Variants in STARD13 observed in about 807,000 individuals in gnomAD.
STARD13 encodes the protein stAR-related lipid transfer protein 13.
STARD13 carries 62 observed loss-of-function variants against 106.4 expected under a neutral mutation model. That is an observed-to-expected ratio of 0.58 (90% confidence interval 0.48 to 0.72). The LOEUF is 0.72. Among genes scored for constraint, STARD13 ranks in the 30% least tolerant of loss-of-function variants. The pLI is 0.00. For synonymous variants in STARD13, 565 were observed against 553.0 expected (o/e 1.02, Z -0.31); for missense variants, 1,387 against 1,424.0 (o/e 0.97, Z 0.42).
intron 1 of STARD13, among the ~76,000 whole-genome samples, chr13:33,174,871 A>C (rs934472819): frequency 2.0e-5 from 3 of 152,176 alleles, no homozygotes; most frequent in African/African-American, 7.2e-5. Context: ...TTCTCTGCCT[A>C]GAGTGCATGA....
Position 33,130,559 on chromosome 13 carries a change from C to G in STARD13, c.388-270G>C, listed in dbSNP as rs1329973374. On this transcript the variant is annotated intron_variant, in intron 4 of 13. Coordinates refer to ENST00000336934, the MANE Select transcript of STARD13 (RefSeq NM_178006.4). This position sits in a 1 kb window ranked among gnomAD's most constrained non-coding sequence, Gnocchi z 4.1. ...CAAAGAGGTTTTGAATGCCTCCTTC[C>G]TTCCTCTCTAAGAAGTTTTCCCTGA... Among the ~76,000 whole-genome samples the G allele has an allele frequency of 6.6e-6, 1 of 152,202 alleles. No homozygotes were observed. Among genetic ancestry groups the G allele is most frequent in the African/African-American group, 2.4e-5 (1 of 41,456 alleles).
chr13:33,300,893 A>T, intron 1 of STARD13, among the ~76,000 whole-genome samples: 1 of 152,120 alleles, frequency 6.6e-6, no homozygotes, highest in East Asian at 1.9e-4. Context: ...TTTCCCTTCC[A>T]GAGGCTTTGA....
the STARD13 span, among the ~76,000 whole-genome samples, chr13:33,396,226 G>A: frequency 6.6e-6 from 1 of 152,072 alleles, no homozygotes; most frequent in Non-Finnish European, 1.5e-5. Flanking sequence ...GAACTCCTGG[G>A]CTTAAGTGAT....
At chr13:33,576,401 CTT>C in the STARD13 span, among the ~76,000 whole-genome samples, 1 of 144,286 alleles carries the variant, frequency 6.9e-6, no homozygotes. Context: ...TGTAATTTTT[CTT>C]TTTTTTTTTT....
chr13:33,283,127 T>C (rs1891883757), intron 1 of STARD13, among the ~76,000 whole-genome samples: 1 of 152,218 alleles, frequency 6.6e-6, no homozygotes, highest in Non-Finnish European at 1.5e-5. Context: ...TAGCACTTTG[T>C]TTCCACTAGA....
the STARD13 span, among the ~76,000 whole-genome samples, chr13:33,500,029 C>T: frequency 6.6e-6 from 1 of 151,956 alleles, no homozygotes; most frequent in African/African-American, 2.4e-5. Flanking sequence ...GCTGGGATTA[C>T]AGGCCACTGT....
intron 3 of STARD13, among the ~76,000 whole-genome samples, chr13:33,154,372 A>T (rs1446354475): frequency 2.6e-5 from 4 of 152,210 alleles, no homozygotes; most frequent in Non-Finnish European, 5.9e-5. Flanking sequence ...GCCCCTGGAC[A>T]TTAGTTGAGG....
At chr13:33,498,821 T>A in the STARD13 span, among the ~76,000 whole-genome samples, 1 of 152,354 alleles carries the variant, frequency 6.6e-6, no homozygotes, top group East Asian at 1.9e-4. Flanking sequence ...TCAGAAATAC[T>A]GAGAGAGGAA....
At chr13:33,142,229 C>T in intron 4 of STARD13, 81 bp downstream of exon 4, 2 of 1,051,294 alleles carry the variant, frequency 1.9e-6, no homozygotes, top group Non-Finnish European at 3.0e-6. Flanking sequence ...ACACAAGGGT[C>T]TCACTATGTT....
chr13:33,591,640 A>G, the STARD13 span, among the ~76,000 whole-genome samples: 1 of 152,348 alleles, frequency 6.6e-6, no homozygotes, highest in Non-Finnish European at 1.5e-5. Context: ...ATATCCCAGT[A>G]TAATCATATC....
chr13:33,577,128 C>T, the STARD13 span, among the ~76,000 whole-genome samples: 1 of 152,170 alleles, frequency 6.6e-6, no homozygotes, highest in Admixed American at 6.5e-5. Flanking sequence ...GTCTTTACTG[C>T]AGAAACTTAT....
chr13:33,386,521 C>G, the STARD13 span, among the ~76,000 whole-genome samples: 52 of 152,230 alleles, frequency 3.4e-4, no homozygotes, highest in African/African-American at 1.2e-3. Flanking sequence ...TGGCCTCCCC[C>G]ATCCAGGTCC....
chr13:33,629,262 G>A, the STARD13 span, among the ~76,000 whole-genome samples: 8 of 152,324 alleles, frequency 5.3e-5, no homozygotes, highest in South Asian at 8.3e-4. Flanking sequence ...AATAATGTCA[G>A]CTCATTAGCA....
the STARD13 span, among the ~76,000 whole-genome samples, chr13:33,408,365 A>G: frequency 6.6e-6 from 1 of 151,930 alleles, no homozygotes; most frequent in Admixed American, 6.6e-5. Context: ...GTTTTTATGG[A>G]TCTGACTTTT....
intron 1 of STARD13, among the ~76,000 whole-genome samples, chr13:33,277,114 G>T (rs1352853281): frequency 2.0e-5 from 3 of 151,442 alleles, no homozygotes; most frequent in Non-Finnish European, 2.9e-5. Flanking sequence ...CATGGTACTT[G>T]GTCCTTCCCT....
intron 1 of STARD13, among the ~76,000 whole-genome samples, chr13:33,258,508 T>C (rs1890481802): frequency 6.6e-6 from 1 of 151,466 alleles, no homozygotes; most frequent in South Asian, 2.1e-4. Context: ...GCCTTTTCAG[T>C]GTGTATTGTT....
the STARD13 span, among the ~76,000 whole-genome samples, chr13:33,432,385 C>T: frequency 6.6e-6 from 1 of 151,912 alleles, no homozygotes; most frequent in South Asian, 2.1e-4. Context: ...TTAACATCTG[C>T]TCAGCTCTTT....
the STARD13 span, among the ~76,000 whole-genome samples, chr13:33,407,974 T>C: frequency 6.6e-6 from 1 of 152,192 alleles, no homozygotes; most frequent in African/African-American, 2.4e-5. Context: ...AATCTCAACG[T>C]GAAATGAAAG....
chr13:33,331,335 T>C (rs1030994719), intron 1 of STARD13, among the ~76,000 whole-genome samples: 2 of 144,054 alleles, frequency 1.4e-5, no homozygotes, highest in Non-Finnish European at 3.1e-5. Flanking sequence ...TCTCCCTACA[T>C]CTTCATTCTT....
Sources: allele counts gnomAD v4.1 joint callset (sites outside exome capture counted in the v4.1 genomes callset), GRCh38; gene constraint gnomAD v4.1.1; non-coding constraint Gnocchi (gnomAD v3.1); transcripts MANE v1.5; gene names NCBI Gene and HGNC (gene_info 2026-07-23, HGNC 2026-07-21).